CNPY2: variants seen among roughly 807,000 people sequenced by gnomAD.
The protein encoded by CNPY2 is protein canopy homolog 2.
CNPY2 carries 19 observed loss-of-function variants against 25.5 expected under a neutral mutation model. The observed-to-expected ratio is 0.74, with a 90% CI of 0.52 to 1.09. CNPY2 has a LOEUF of 1.09. CNPY2 is among the 50% of genes least tolerant of loss of function. CNPY2 has a pLI of 0.00. For synonymous variants in CNPY2, 82 were observed against 85.0 expected (o/e 0.96, Z 0.19); for missense variants, 214 against 233.6 (o/e 0.92, Z 0.55).
intron 1 of CNPY2, 119 bp from the exon 2 acceptor site, chr12:56,315,361 A>C (rs1382484407): frequency 1.6e-6 from 1 of 629,980 alleles, no homozygotes. Flanking sequence ...TCTACTTTCC[A>C]GGAAATGGCC....
intron 3 of CNPY2, among the ~76,000 whole-genome samples, chr12:56,313,873 T>C (rs907007557): frequency 7.2e-5 from 11 of 151,742 alleles, no homozygotes; most frequent in Non-Finnish European, 1.5e-4. Flanking sequence ...CCCAAAGTGC[T>C]GGCATTACGG....
At position 56,310,295 on chromosome 12, in the gene CNPY2, T is replaced by A. The variant is rs1873680110; in HGVS notation, c.*257A>T. 2 of 599,544 alleles carry A rather than the reference T, an allele frequency of 3.3e-6. No individual in the cohort carries two copies. The highest frequency in any genetic ancestry group is 5.9e-6 in the Non-Finnish European group (2 of 338,612). The allele number at this position is 599,544 out of a possible 1,614,324, so 37.1% of individuals were successfully genotyped here. ...CTCAGAAGGTAGAAGAATTAAAGGT[T>A]CAGGCCTCTCCTACCTTTATCCTGT... On this transcript the variant is annotated 3_prime_UTR_variant, in exon 6 of 6. Transcript: ENST00000273308.
At chr12:56,315,435 G>A (rs1391052466) in intron 1 of CNPY2, among the ~76,000 whole-genome samples, 193 bp from the exon 2 acceptor site, 2 of 152,246 alleles carry the variant, frequency 1.3e-5, no homozygotes, top group African/African-American at 2.4e-5. Context: ...GGTGGTGGGT[G>A]GGAGCGCGAG....
rs10783780 is a variant in CNPY2 at position 56,310,368 on chromosome 12, A to T, written c.*184T>A. On this transcript the variant is annotated 3_prime_UTR_variant, in exon 6 of 6. Coordinates refer to ENST00000273308, the MANE Select transcript of CNPY2 (RefSeq NM_014255.7). ...CTCCTCCATTATCTTTCCTGTCTAT[A>T]TAACTCCTTATCTTCAAGCTTAATG... 7 of 636,626 alleles carry T rather than the reference A, an allele frequency of 1.1e-5. No individual in the cohort carries two copies. In the East Asian group the frequency reaches 1.9e-4, roughly 17 times the overall value. 39.4% of individuals were successfully genotyped at this position (636,626 alleles called of 1,614,324 possible). A position where few individuals can be genotyped will look rare whatever the true frequency, so the allele number is the denominator to read the frequency against.
At position 56,311,028 on chromosome 12, in the gene CNPY2, C is replaced by A; in HGVS notation, c.435G>T (p.Glu145Asp). The change falls in exon 5 of 6, where the codon GAG becomes GAT. Residue 145 changes from glutamate (E) to aspartate (D), a missense_variant. Transcript: ENST00000273308. ...GGGAAAAGAATTCAATGAGTTCATC[C>A]TCGTATTCCTCCACAATGCTCTCAC... ...FACESIVEEY[E>D]DELIEFFSRE... 1 of 1,614,110 alleles carries A rather than the reference C, an allele frequency of 6.2e-7. No homozygotes were observed. The highest frequency in any genetic ancestry group is 1.1e-5 in the South Asian group (1 of 91,080).
Position 56,314,955 on chromosome 12 carries a change from G to A in CNPY2, c.100C>T (p.Leu34=). The A allele has an allele frequency of 6.2e-7, 1 of 1,614,188 alleles. No homozygotes were observed. The highest frequency in any genetic ancestry group is 1.1e-5 in the South Asian group (1 of 91,084). The change falls in exon 3 of 6, where the codon CTG becomes TTG. Residue 34 remains leucine, a synonymous_variant. Coordinates refer to ENST00000273308, the MANE Select transcript of CNPY2 (RefSeq NM_014255.7). ...QDLHCGACRA[L]VDELEWEIAQ... ...ATTTCCCATTCTAGTTCATCCACCA[G>A]AGCCCTGCATGCTGGTGGAAGAGGA...
Position 56,315,250 on chromosome 12 carries a change from T to G in CNPY2, c.-25-8A>C. On this transcript the variant is annotated splice_region_variant and splice_polypyrimidine_tract_variant and intron_variant, in intron 1 of 5. Coordinates refer to ENST00000273308, the MANE Select transcript of CNPY2 (RefSeq NM_014255.7). ...GTAATGGGGTCGCTCCACCTGGGTT[T>G]GAGTGGGAATAAAACATAAGTGTGA... 1 of 1,544,806 alleles carries G rather than the reference T, an allele frequency of 6.5e-7. No individual in the cohort carries two copies. Among genetic ancestry groups the G allele is most frequent in the Non-Finnish European group, 8.9e-7 (1 of 1,119,358 alleles).
Position 56,315,139 on chromosome 12 carries a change from G to C in CNPY2, c.79C>G (p.His27Asp). The change falls in exon 2 of 6, where the codon CAC (histidine) becomes GAC (aspartate). Residue 27 changes from histidine to aspartate, a missense_variant. His to Asp is a moderately conservative substitution (Grantham distance 81, BLOSUM62 -1). Transcript: ENST00000273308. ...CCCGTTGTGCCTTTACCTCCACAGT[G>C]GAGATCCTGGCTCCTCCGAGCCCAG... ...TAWARRSQDLHCGACRALVDE... is the reference protein window; with the variant it reads ...TAWARRSQDLDCGACRALVDE... The C allele has an allele frequency of 6.2e-7, 1 of 1,614,066 alleles. No individual in the cohort carries two copies. Among genetic ancestry groups the C allele is most frequent in the East Asian group, 2.2e-5 (1 of 44,880 alleles).
chr12:56,314,850 C>T lies in CNPY2; in HGVS notation c.204+1G>A. Reference sequence around the variant, plus strand: ...TTGTTTGGGGGAACAGTAACAGTTACCTCCACCACTGACTGGCTGCCATCT... The same window carrying T: ...TTGTTTGGGGGAACAGTAACAGTTATCTCCACCACTGACTGGCTGCCATCT... On this transcript the variant is annotated splice_donor_variant, in intron 3 of 5. Coordinates refer to ENST00000273308, the MANE Select transcript of CNPY2 (RefSeq NM_014255.7). LOFTEE classifies it high-confidence loss of function. 2 of 1,614,206 alleles carry T rather than the reference C, an allele frequency of 1.2e-6. No individual in the cohort carries two copies. The highest frequency in any genetic ancestry group is 1.7e-6 in the Non-Finnish European group (2 of 1,180,048).
chr12:56,311,498 GC>G, intron 3 of CNPY2, 84 bp from the exon 4 acceptor site: 2 of 1,316,286 alleles, frequency 1.5e-6, no homozygotes. Flanking sequence ...TCCAAATCTA[GC>G]TCCAACAACC....
At chr12:56,314,795 G>A (rs747666634) in intron 3 of CNPY2, 56 bp downstream of exon 3, 7 of 1,613,658 alleles carry the variant, frequency 4.3e-6, no homozygotes, top group Non-Finnish European at 5.9e-6. Flanking sequence ...TTAAGCAGTC[G>A]AATTTCATCC....
Position 56,310,085 on chromosome 12 carries a change from GC to G in CNPY2, c.*466del. The G allele has an allele frequency of 1.5e-6, 1 of 669,610 alleles. No individual in the cohort carries two copies. Among genetic ancestry groups the G allele is most frequent in the Non-Finnish European group, 2.7e-6 (1 of 370,620 alleles). 41.5% of individuals were successfully genotyped at this position (669,610 alleles called of 1,614,324 possible). The stretch of plus-strand genomic sequence containing the variant: ...TATCCGTTATTTCCTTCAAGACCAA[GC>G]CCTGTCTTACTTTATGTTTCAACAG... On this transcript the variant is annotated 3_prime_UTR_variant, in exon 6 of 6. Transcript: ENST00000273308.
chr12:56,309,878 T>A lies in CNPY2; in HGVS notation c.*674A>T, dbSNP rs891274452. On this transcript the variant is annotated 3_prime_UTR_variant, in exon 6 of 6. Coordinates refer to ENST00000273308, the MANE Select transcript of CNPY2 (RefSeq NM_014255.7). ...ATACACTTTATTGTTGCCACTGGCA[T>A]CAAATTTAAAAGCTTAGGCTGGCAA... 7 of 701,584 alleles carry A rather than the reference T, an allele frequency of 1.0e-5. No homozygotes were observed. Among genetic ancestry groups the A allele is most frequent in the Non-Finnish European group, 1.8e-5 (7 of 384,552 alleles). 43.5% of individuals were successfully genotyped at this position (701,584 alleles called of 1,614,324 possible). A position where few individuals can be genotyped will look rare whatever the true frequency, so the allele number is the denominator to read the frequency against.
Position 56,310,260 on chromosome 12 carries a change from G to A in CNPY2, c.*292C>T. On this transcript the variant is annotated 3_prime_UTR_variant, in exon 6 of 6. Coordinates refer to ENST00000273308, the MANE Select transcript of CNPY2 (RefSeq NM_014255.7). ...CTGAAAGCTTATCTAGTTTATGAGTGGAGTGGAATCTCAGAAGGTAGAAGA... is the reference window on the plus strand; with the variant it reads ...CTGAAAGCTTATCTAGTTTATGAGTAGAGTGGAATCTCAGAAGGTAGAAGA... 2 of 596,968 alleles carry A rather than the reference G, an allele frequency of 3.4e-6. No individual in the cohort carries two copies. Among genetic ancestry groups the A allele is most frequent in the South Asian group, 2.1e-5 (1 of 47,736 alleles). The allele number at this position is 596,968 out of a possible 1,614,324, so 37.0% of individuals were successfully genotyped here.
In CNPY2 at chr12:56,311,373, C is replaced by T; in HGVS notation, c.246G>A (p.Leu82=). The T allele has an allele frequency of 6.2e-7, 1 of 1,614,170 alleles. No individual in the cohort carries two copies. The change falls in exon 4 of 6, where the codon CTG becomes CTA. Residue 82 remains leucine (L), a synonymous_variant. Coordinates refer to ENST00000273308, the MANE Select transcript of CNPY2 (RefSeq NM_014255.7). ...CCTTCATCCGGTCACATATCTCCTCCAGCAGCTCTGTGAGGTGGGCCTCTG... is the reference window on the plus strand; with the variant it reads ...CCTTCATCCGGTCACATATCTCCTCTAGCAGCTCTGTGAGGTGGGCCTCTG... ...ARSEAHLTEL[L]EEICDRMKEY... is the part of the protein sequence containing the mutation.
At chr12:56,313,821 T>C (rs1873793882) in intron 3 of CNPY2, among the ~76,000 whole-genome samples, 1 of 150,960 alleles carries the variant, frequency 6.6e-6, no homozygotes, top group South Asian at 2.1e-4. Context: ...TTAGCCAGGA[T>C]GGTTTCGATC....
chr12:56,315,491 G>A (rs1488212595), intron 1 of CNPY2, among the ~76,000 whole-genome samples: 1 of 152,208 alleles, frequency 6.6e-6, no homozygotes, highest in South Asian at 2.1e-4. Context: ...GATAGGTGAG[G>A]CCCTAAGTGT....
chr12:56,310,317 C>A lies in CNPY2; in HGVS notation c.*235G>T. The A allele has an allele frequency of 1.7e-6, 1 of 603,298 alleles. No individual in the cohort carries two copies. 37.4% of individuals were successfully genotyped at this position (603,298 alleles called of 1,614,324 possible). On this transcript the variant is annotated 3_prime_UTR_variant, in exon 6 of 6. Coordinates refer to ENST00000273308, the MANE Select transcript of CNPY2 (RefSeq NM_014255.7). ...GGTTCAGGCCTCTCCTACCTTTATC[C>A]TGTATCAATCCCAAAACTCTTCTTT...
rs1289892001 is a variant in CNPY2, at chr12:56,315,165, G to A, written c.53C>T (p.Ala18Val). The change falls in exon 2 of 6, where the codon GCC (alanine) becomes GTC (valine). Residue 18 changes from alanine (A) to valine (V), a missense_variant. Coordinates refer to ENST00000273308, the MANE Select transcript of CNPY2 (RefSeq NM_014255.7). Reference protein sequence around the residue: ...ALLLGALLGTAWARRSQDLHC... With the variant: ...ALLLGALLGTVWARRSQDLHC... ...GAGATCCTGGCTCCTCCGAGCCCAG[G>A]CGGTTCCCAGCAGGGCCCCCAGAAG... 8.1e-6 allele frequency: 13 copies of A among 1,613,984 alleles called. No homozygotes were observed. The highest frequency in any genetic ancestry group is 1.0e-5 in the Non-Finnish European group (12 of 1,180,008).
Sources: allele counts gnomAD v4.1 joint callset (sites outside exome capture counted in the v4.1 genomes callset), GRCh38; gene constraint gnomAD v4.1.1; transcripts MANE v1.5; gene names NCBI Gene and HGNC (gene_info 2026-07-23, HGNC 2026-07-21).